The following CAMK2G variants were observed in gnomAD, a reference collection of about 807,000 sequenced individuals.
CAMK2G encodes the protein calcium/calmodulin dependent protein kinase II gamma.
In CAMK2G, 23 loss-of-function variants were observed where a neutral mutation model predicts 88.7. That is an observed-to-expected ratio of 0.26 (90% CI 0.19 to 0.37). The LOEUF (loss-of-function observed/expected upper bound fraction) is 0.37, where lower values mean the gene tolerates loss of function less well. Among genes scored for constraint, CAMK2G ranks in the 10% least tolerant of loss-of-function variants. The pLI is 1.00. For synonymous variants in CAMK2G, 263 were observed against 294.8 expected, an observed-to-expected ratio of 0.89 and a Z score of 1.11; for missense variants, 476 against 780.8, an observed-to-expected ratio of 0.61 and a Z score of 4.65.
rs2093828474 is a variant in CAMK2G, at chr10:73,842,013, G to A, written c.946+156C>T. 3.1e-6 allele frequency: 2 copies of A among 642,360 alleles called. No individual in the cohort carries two copies. Among genetic ancestry groups the A allele is most frequent in the Admixed American group, 4.6e-5 (2 of 43,412 alleles). The allele number at this position is 642,360 out of a possible 1,614,324, so 39.8% of individuals were successfully genotyped here. ...CCCTGAATCTCAGGAGCAGGACTCA[G>A]CAGCAGCAGCAGCCCCTCAAAACAG... is the stretch of plus-strand genomic sequence containing the variant. On this transcript the variant is annotated intron_variant, in intron 12 of 22. Transcript: ENST00000423381. The surrounding 1 kb of genome is among the most constrained non-coding windows in gnomAD (Gnocchi z 4.6).
In CAMK2G at chr10:73,874,491, G is replaced by T; in HGVS notation, c.-30C>A. 6.9e-7 allele frequency: 1 copy of T among 1,456,156 alleles called. No homozygotes were observed. 90.2% of individuals were successfully genotyped at this position (1,456,156 alleles called of 1,614,324 possible). On this transcript the variant is annotated 5_prime_UTR_variant, in exon 1 of 23. The change creates a new upstream start codon in the 5' untranslated region. Coordinates refer to ENST00000423381, the MANE Select transcript of CAMK2G (RefSeq NM_001367534.1). ...GCGGGCGGGCGGACGCGGCGGTGCAGCCCGCGCCGACGTCGGTGCACAGTC... is the reference window on the plus strand; with the variant it reads ...GCGGGCGGGCGGACGCGGCGGTGCATCCCGCGCCGACGTCGGTGCACAGTC...
In CAMK2G at chr10:73,842,618, G is replaced by A; in HGVS notation, c.820-77C>T. ...CCCACAGTCCTGGCACCGATACCAT[G>A]CCCAGGACAGGGTCATGCACTCAGC... On this transcript the variant is annotated intron_variant, in intron 10 of 22. Transcript: ENST00000423381. This position sits in a 1 kb window ranked among gnomAD's most constrained non-coding sequence, Gnocchi z 4.6. 9.5e-7 allele frequency: 1 copy of A among 1,047,316 alleles called. No homozygotes were observed. The highest frequency in any genetic ancestry group is 1.3e-5 in the South Asian group (1 of 78,788). 64.9% of individuals were successfully genotyped at this position (1,047,316 alleles called of 1,614,324 possible).
rs1565322811 is a variant in CAMK2G, at chr10:73,839,327, A to C, written c.1009+212T>G. 6.6e-6 allele frequency among the ~76,000 whole-genome samples: 1 copy of C among 152,172 alleles called. No individual in the cohort carries two copies. The highest frequency in any genetic ancestry group is 1.5e-5 in the Non-Finnish European group (1 of 68,016). On this transcript the variant is annotated intron_variant, in intron 13 of 22. Transcript: ENST00000423381. This position sits in a 1 kb window ranked among gnomAD's most constrained non-coding sequence, Gnocchi z 4.2. Reference sequence around the variant, plus strand: ...TGCCCCCAGGCTACTGCCCCCTGAAAGTTGGCAAGCGCCCAGCATGCATGG... The same window carrying C: ...TGCCCCCAGGCTACTGCCCCCTGAACGTTGGCAAGCGCCCAGCATGCATGG...
chr10:73,816,843 C>A, intron 21 of CAMK2G, 180 bp downstream of exon 21: 1 of 1,576,468 alleles, frequency 6.3e-7, no homozygotes, highest in Non-Finnish European at 8.6e-7. Flanking sequence ...AGGAGCAGGG[C>A]CTTCAAAGGT....
At chr10:73,870,753 C>T (rs1486587054) in intron 2 of CAMK2G, among the ~76,000 whole-genome samples, 1 of 152,156 alleles carries the variant, frequency 6.6e-6, no homozygotes, top group Non-Finnish European at 1.5e-5. Context: ...ATGAGTGAAA[C>T]CCAGCTCCAG....
Position 73,848,106 on chromosome 10 carries a change from A to G in CAMK2G, c.602-24T>C, listed in dbSNP as rs372728029. 27 of 1,411,030 alleles carry G rather than the reference A, an allele frequency of 1.9e-5. 1 individual carries two copies. The highest frequency in any genetic ancestry group is 2.7e-5 in the Non-Finnish European group (27 of 995,686). 87.4% of individuals were successfully genotyped at this position (1,411,030 alleles called of 1,614,324 possible). ...CCCTACGAGACAGAACACACAGGTC[A>G]TGGGGGTCAGTCGCCTACTTCCCTG... On this transcript the variant is annotated intron_variant, in intron 8 of 22. Coordinates refer to ENST00000423381, the MANE Select transcript of CAMK2G (RefSeq NM_001367534.1). The surrounding 1 kb of genome is among the most constrained non-coding windows in gnomAD (Gnocchi z 4.5).
chr10:73,873,695 G>C (rs1351836622), intron 1 of CAMK2G, among the ~76,000 whole-genome samples: 2 of 139,296 alleles, frequency 1.4e-5, no homozygotes, highest in Non-Finnish European at 3.1e-5. Flanking sequence ...CGTCAAACGG[G>C]AGCTCGCACT....
chr10:73,844,672 T>C (rs1590678045), intron 10 of CAMK2G, among the ~76,000 whole-genome samples: 3 of 152,224 alleles, frequency 2.0e-5, no homozygotes, highest in Admixed American at 2.0e-4. Context: ...TCTCCCAAAG[T>C]GCTGGGATTA....
At chr10:73,828,547 A>C (rs1486239228) in intron 14 of CAMK2G, among the ~76,000 whole-genome samples, 2 of 152,222 alleles carry the variant, frequency 1.3e-5, no homozygotes, top group Non-Finnish European at 2.9e-5. Flanking sequence ...AGCAGCCACC[A>C]GGGAAAAAGC....
At chr10:73,828,144 GA>G in intron 14 of CAMK2G, 23 bp from the exon 15 acceptor site, 1 of 1,605,600 alleles carries the variant, frequency 6.2e-7, no homozygotes, top group Non-Finnish European at 8.5e-7. Flanking sequence ...CAGCAAGAGG[GA>G]AAGAGAAGGG....
intron 5 of CAMK2G, 100 bp downstream of exon 5, chr10:73,852,154 A>T: frequency 1.2e-6 from 1 of 848,654 alleles, no homozygotes; most frequent in Non-Finnish European, 2.0e-6. Context: ...TTCCCCAAAG[A>T]CTATTCAAAC....
chr10:73,865,671 T>G (rs2095558768), intron 2 of CAMK2G, among the ~76,000 whole-genome samples: 1 of 152,128 alleles, frequency 6.6e-6, no homozygotes, highest in South Asian at 2.1e-4. Flanking sequence ...ACGCAGCATC[T>G]CCAACCCCAA....
chr10:73,866,638 G>T (rs559804348), intron 2 of CAMK2G, among the ~76,000 whole-genome samples: 162 of 152,268 alleles, frequency 1.1e-3, no homozygotes, highest in African/African-American at 3.7e-3. Flanking sequence ...GCAGGTCTGT[G>T]CCTATGACCC....
At chr10:73,840,175 G>C (rs1047221746) in intron 12 of CAMK2G, among the ~76,000 whole-genome samples, 3 of 144,292 alleles carry the variant, frequency 2.1e-5, no homozygotes, top group Admixed American at 1.4e-4. Context: ...ACAGGTCCCT[G>C]TCTTAAGGGA....
chr10:73,827,727 T>C (rs550294305), intron 15 of CAMK2G, among the ~76,000 whole-genome samples: 32 of 152,304 alleles, frequency 2.1e-4, no homozygotes, highest in African/African-American at 7.2e-4. Flanking sequence ...TGCCAGTCTG[T>C]AGGAAGCAGC....
chr10:73,834,095 T>C (rs1335378652), intron 14 of CAMK2G, among the ~76,000 whole-genome samples: 1 of 151,554 alleles, frequency 6.6e-6, no homozygotes, highest in Non-Finnish European at 1.5e-5. Flanking sequence ...ATTTTTTGTA[T>C]TTTCAGTAGA....
At chr10:73,818,599 A>T (rs917825440) in intron 19 of CAMK2G, 3 of 434,062 alleles carry the variant, frequency 6.9e-6, no homozygotes, top group Non-Finnish European at 1.4e-5. Flanking sequence ...CACAGTTGGG[A>T]CAGGGCAGCG....
At chr10:73,841,876 T>C (rs2093812372) in intron 12 of CAMK2G, 1 of 398,702 alleles carries the variant, frequency 2.5e-6, no homozygotes. Context: ...TGTAAAGTGC[T>C]GAGAGTCTTC....
chr10:73,819,491 C>T lies in CAMK2G; in HGVS notation c.1363+41G>A, dbSNP rs1299034929. On this transcript the variant is annotated intron_variant, in intron 19 of 22. Coordinates refer to ENST00000423381, the MANE Select transcript of CAMK2G (RefSeq NM_001367534.1). ...GGTCCCTGAGGGGCTTCAGGACGAG[C>T]CAGGGAGACGGAAGCCAGAATGTGC... 7 of 1,408,282 alleles carry T rather than the reference C, an allele frequency of 5.0e-6. No individual in the cohort carries two copies. In the East Asian group the frequency reaches 1.5e-4, roughly 30 times the overall value. The allele number at this position is 1,408,282 out of a possible 1,614,324, so 87.2% of individuals were successfully genotyped here. A position where few individuals can be genotyped will look rare whatever the true frequency, so the allele number is the denominator to read the frequency against.
Sources: gnomAD v4.1 joint callset for allele counts (sites outside exome capture counted in the v4.1 genomes callset) on GRCh38, gnomAD v4.1.1 for gene constraint, Gnocchi (gnomAD v3.1) non-coding constraint, MANE v1.5 for transcripts, NCBI Gene and HGNC (gene_info 2026-07-23, HGNC 2026-07-21) for gene names.